The following UMAD1 variants were observed in gnomAD, a reference collection of about 807,000 sequenced individuals.
UMAD1 encodes UBAP1-MVB12-associated (UMA)-domain containing protein 1.
Under a neutral mutation model 6.1 loss-of-function variants are expected in UMAD1, and 8 were observed. That is an observed-to-expected ratio of 1.30 (90% CI 0.76 to 2.35). The LOEUF is 2.35. Among genes scored for constraint, UMAD1 ranks in the 30% most tolerant of loss-of-function variants. UMAD1 has a pLI of 0.00. For synonymous variants in UMAD1, 56 were observed against 31.4 expected, an observed-to-expected ratio of 1.78 and a Z score of -2.61; for missense variants, 130 against 78.4, an observed-to-expected ratio of 1.66 and a Z score of -2.49.
chr7:7,861,080 A>C (rs138191520), intron 3 of UMAD1, among the ~76,000 whole-genome samples: 253 of 152,302 alleles, frequency 1.7e-3, no homozygotes, highest in African/African-American at 5.0e-3. Flanking sequence ...TGTTTACAAA[A>C]AGCTTACCCA....
At chr7:7,723,302 G>C (rs970788086) in intron 2 of UMAD1, among the ~76,000 whole-genome samples, 3 of 152,206 alleles carry the variant, frequency 2.0e-5, no homozygotes, top group Non-Finnish European at 4.4e-5. Flanking sequence ...CATAGAGTTA[G>C]ATCAAGCTGA....
intron 2 of UMAD1, among the ~76,000 whole-genome samples, chr7:7,768,961 A>G (rs1278000539): frequency 6.6e-6 from 1 of 152,142 alleles, no homozygotes; most frequent in Non-Finnish European, 1.5e-5. Context: ...TCTCTGTGGT[A>G]TTAGATGGAG....
intron 1 of UMAD1, among the ~76,000 whole-genome samples, chr7:7,644,796 G>A (rs1035270597): frequency 6.6e-6 from 1 of 152,060 alleles, no homozygotes; most frequent in South Asian, 2.1e-4. Context: ...GAATGTCTTG[G>A]TTATTTTTGT....
At chr7:7,865,912 G>A (rs781643590) in intron 3 of UMAD1, among the ~76,000 whole-genome samples, 1 of 152,164 alleles carries the variant, frequency 6.6e-6, no homozygotes, top group African/African-American at 2.4e-5. Flanking sequence ...TCTACATTGT[G>A]GCAGGACCCC....
At chr7:7,876,629 T>A (rs1333214981) in intron 3 of UMAD1, among the ~76,000 whole-genome samples, 1 of 152,204 alleles carries the variant, frequency 6.6e-6, no homozygotes, top group Non-Finnish European at 1.5e-5. Flanking sequence ...TTTTATGACA[T>A]AACAGGTTAG....
chr7:7,868,572 A>G lies in UMAD1; in HGVS notation c.157-8709A>G, dbSNP rs546161647. The G allele has an allele frequency of 2.9e-5, 4 of 136,726 alleles. No individual in the cohort carries two copies. In the South Asian group the frequency reaches 8.5e-4, roughly 29 times the overall value. 8.5% of individuals were successfully genotyped at this position (136,726 alleles called of 1,614,324 possible). ...AGGAAAGAGAAAGAAGAGAAAATGG[A>G]AAAAATACTGAAAAAAAAAAAATCA... On this transcript the variant is annotated intron_variant, in intron 3 of 3. Transcript: ENST00000682710.
At chr7:7,726,871 A>G (rs1236896673) in intron 2 of UMAD1, among the ~76,000 whole-genome samples, 1 of 152,194 alleles carries the variant, frequency 6.6e-6, no homozygotes, top group African/African-American at 2.4e-5. Flanking sequence ...GACTATCAAG[A>G]TGAAATCAGC....
chr7:7,716,987 C>G (rs1024397152), intron 2 of UMAD1, among the ~76,000 whole-genome samples: 39 of 152,130 alleles, frequency 2.6e-4, no homozygotes, highest in African/African-American at 8.9e-4. Flanking sequence ...AACCCGGAAA[C>G]CCGTTCGGGA....
chr7:7,771,102 T>C (rs1397317462), intron 2 of UMAD1, among the ~76,000 whole-genome samples: 1 of 149,956 alleles, frequency 6.7e-6, no homozygotes, highest in Non-Finnish European at 1.5e-5. Flanking sequence ...GGTAAATTTT[T>C]GTTAGATGGA....
chr7:7,713,376 CAA>C, intron 2 of UMAD1, among the ~76,000 whole-genome samples: 1 of 151,080 alleles, frequency 6.6e-6, no homozygotes, highest in Middle Eastern at 3.4e-3. Context: ...AACAAACAAA[CAA>C]ATCTAAGTTT....
intron 2 of UMAD1, among the ~76,000 whole-genome samples, chr7:7,770,359 T>C (rs776487720): frequency 7.9e-5 from 12 of 152,180 alleles, no homozygotes; most frequent in Non-Finnish European, 1.3e-4. Flanking sequence ...CTGTTTATCA[T>C]TGACTCTCAT....
At chr7:7,849,698 A>T (rs753517250) in intron 3 of UMAD1, among the ~76,000 whole-genome samples, 7 of 152,194 alleles carry the variant, frequency 4.6e-5, no homozygotes, top group Non-Finnish European at 2.9e-5. Flanking sequence ...TTCAGACCAA[A>T]AACTAAACTA....
At chr7:7,861,704 C>CCA (rs1387872860) in intron 3 of UMAD1, among the ~76,000 whole-genome samples, 1 of 152,186 alleles carries the variant, frequency 6.6e-6, no homozygotes, top group East Asian at 1.9e-4. Flanking sequence ...ATGTGGATTA[C>CCA]TCTATATATC....
At chr7:7,692,279 A>G (rs2115138524) in intron 2 of UMAD1, 1 of 152,334 alleles carries the variant, frequency 6.6e-6, no homozygotes, top group East Asian at 1.9e-4. Context: ...GTGGGCAGGA[A>G]TAGAGACAAA....
At chr7:7,681,884 T>A (rs1779921897) in intron 2 of UMAD1, among the ~76,000 whole-genome samples, 1 of 152,170 alleles carries the variant, frequency 6.6e-6, no homozygotes, top group African/African-American at 2.4e-5. Context: ...AATGTTAGGA[T>A]ATAATTCCTT....
chr7:7,643,739 AAAAAAG>A lies in UMAD1; in HGVS notation c.-64+2919_-64+2924del, dbSNP rs1233988802. On this transcript the variant is annotated intron_variant, in intron 1 of 3. Transcript: ENST00000682710. ...AAAAAAAAAAAACAAACAAACGAAA[AAAAAAG>A]GATCAACGGTTAAATCGGACACTTG... 9.1e-5 allele frequency among the ~76,000 whole-genome samples: 8 copies of A among 88,244 alleles called. 1 individual carries two copies. Among genetic ancestry groups the A allele is most frequent in the African/African-American group, 4.5e-4 (7 of 15,644 alleles). 57.9% of individuals were successfully genotyped at this position (88,244 alleles called of 152,430 possible).
intron 2 of UMAD1, among the ~76,000 whole-genome samples, chr7:7,723,230 C>T (rs543410436): frequency 6.6e-6 from 1 of 152,092 alleles, no homozygotes; most frequent in African/African-American, 2.4e-5. Context: ...TTTACATAAG[C>T]AGAAATCTGG....
At chr7:7,756,143 C>T (rs548489397) in intron 2 of UMAD1, among the ~76,000 whole-genome samples, 2 of 151,986 alleles carry the variant, frequency 1.3e-5, no homozygotes. Flanking sequence ...GAAGTTGGAC[C>T]CCAAAGGGTA....
chr7:7,858,646 A>G (rs911487631), intron 3 of UMAD1, among the ~76,000 whole-genome samples: 3 of 152,162 alleles, frequency 2.0e-5, no homozygotes, highest in African/African-American at 7.2e-5. Flanking sequence ...CAGTCATTCC[A>G]GGCTTTTCTC....
Sources: allele counts gnomAD v4.1 joint callset (sites outside exome capture counted in the v4.1 genomes callset), GRCh38; gene constraint gnomAD v4.1.1; transcripts MANE v1.5; gene names NCBI Gene and HGNC (gene_info 2026-07-23, HGNC 2026-07-21).